Variants in LRBA observed in about 807,000 individuals in gnomAD.
The protein encoded by LRBA is lipopolysaccharide-responsive and beige-like anchor protein.
A neutral mutation model predicts 330.0 loss-of-function variants in LRBA; 176 were observed. The observed-to-expected ratio is 0.53, with a 90% CI of 0.47 to 0.60. LRBA has a LOEUF of 0.60. Ranked by LOEUF, LRBA falls within the 20% of genes least tolerant of loss-of-function variation. The pLI is 0.00. For missense variants in LRBA, 3,259 were observed against 3,444.8 expected (o/e 0.95, Z 1.35); for synonymous variants, 1,230 against 1,193.0 (o/e 1.03, Z -0.64).
At chr4:150,552,007 T>C (rs1766663632) in intron 40 of LRBA, among the ~76,000 whole-genome samples, 1 of 152,132 alleles carries the variant, frequency 6.6e-6, no homozygotes, top group Non-Finnish European at 1.5e-5. Flanking sequence ...ACTCAGATCG[T>C]CTGACATTAG....
rs563060653 is a variant in LRBA at position 150,835,806 on chromosome 4, C to T, written c.4570-3830G>A. 5.9e-5 allele frequency among the ~76,000 whole-genome samples: 9 copies of T among 152,238 alleles called. No individual in the cohort carries two copies. The South Asian group carries it at 1.7e-3, about 28-fold the overall frequency. ...AATACCCTTTCTTTCTTTCTCCTGA[C>T]GGATTGCCCTGGCCAGAACTTCCAA... On this transcript the variant is annotated intron_variant, in intron 28 of 56. Coordinates refer to ENST00000651943, the MANE Select transcript of LRBA (RefSeq NM_001364905.1).
chr4:150,908,535 C>T, intron 10 of LRBA, 68 bp from the exon 11 acceptor site: 2 of 1,497,300 alleles, frequency 1.3e-6, no homozygotes, highest in African/African-American at 1.4e-5. Flanking sequence ...AAATAAGGCA[C>T]AACAATAAAT....
At chr4:150,658,371 A>C (rs1339554063) in intron 37 of LRBA, among the ~76,000 whole-genome samples, 1 of 151,244 alleles carries the variant, frequency 6.6e-6, no homozygotes, top group African/African-American at 2.4e-5. Context: ...AAAAAAAAAA[A>C]AACTGCTGAA....
At chr4:150,587,486 A>G (rs1772259999) in intron 40 of LRBA, among the ~76,000 whole-genome samples, 1 of 152,224 alleles carries the variant, frequency 6.6e-6, no homozygotes, top group Admixed American at 6.5e-5. Context: ...CCAGGGTCTG[A>G]AAAGTAATGA....
At chr4:150,662,616 G>A (rs1429964593) in intron 37 of LRBA, among the ~76,000 whole-genome samples, 1 of 152,194 alleles carries the variant, frequency 6.6e-6, no homozygotes, top group Non-Finnish European at 1.5e-5. Flanking sequence ...CAAAAAGAGT[G>A]AAAGTGTAAG....
At chr4:150,984,033 C>T (rs1741157499) in intron 2 of LRBA, among the ~76,000 whole-genome samples, 1 of 152,214 alleles carries the variant, frequency 6.6e-6, no homozygotes, top group Admixed American at 6.5e-5. Flanking sequence ...ATTTCCTCTA[C>T]TGCCCACCCC....
At chr4:150,689,039 G>A (rs1783875304) in intron 36 of LRBA, among the ~76,000 whole-genome samples, 1 of 152,132 alleles carries the variant, frequency 6.6e-6, no homozygotes, top group Non-Finnish European at 1.5e-5. Context: ...ATACACAACA[G>A]CAAAGACTTG....
intron 48 of LRBA, among the ~76,000 whole-genome samples, chr4:150,346,757 C>CAAAAAAAAAAAAAAA (rs57119340): frequency 1.4e-4 from 9 of 66,150 alleles, no homozygotes; most frequent in African/African-American, 6.2e-4. Flanking sequence ...GACTCTGTCT[C>CAAAAAAAAAAAAAAA]AAAAAAAAAA....
chr4:150,998,983 T>G (rs1423958189), intron 2 of LRBA, among the ~76,000 whole-genome samples: 1 of 152,240 alleles, frequency 6.6e-6, no homozygotes, highest in African/African-American at 2.4e-5. Flanking sequence ...ATCACTTCGT[T>G]ATACCTTAGA....
At chr4:150,736,793 A>C (rs139637870) in intron 35 of LRBA, among the ~76,000 whole-genome samples, 1 of 152,332 alleles carries the variant, frequency 6.6e-6, no homozygotes, top group Non-Finnish European at 1.5e-5. Flanking sequence ...CTTAGGCAGT[A>C]ATAGTAAAAC....
At chr4:150,905,743 A>G in intron 13 of LRBA, 95 bp downstream of exon 13, 1 of 1,094,454 alleles carries the variant, frequency 9.1e-7, no homozygotes, top group Non-Finnish European at 1.3e-6. Context: ...GCATAATAGT[A>G]CATAAAAAAA....
At chr4:150,661,195 G>T (rs997227038) in intron 37 of LRBA, among the ~76,000 whole-genome samples, 1 of 151,376 alleles carries the variant, frequency 6.6e-6, no homozygotes, top group South Asian at 2.1e-4. Context: ...CAGAGGCCAG[G>T]CATGGTGGCT....
chr4:150,634,263 G>A (rs1467253034), intron 37 of LRBA, among the ~76,000 whole-genome samples: 2 of 152,052 alleles, frequency 1.3e-5, no homozygotes, highest in Admixed American at 6.6e-5. Flanking sequence ...ATTCTTCATA[G>A]CATTTTCACA....
rs183472299 is a variant in LRBA at position 150,295,958 on chromosome 4, T to G, written c.8017+6667A>C. On this transcript the variant is annotated intron_variant, in intron 53 of 56. Transcript: ENST00000651943. Reference sequence around the variant, plus strand: ...GTAAGCTATGGCTCCTGTAGCTGCATATGAGTGTCTGGTAACATAAACATG... The same window carrying G: ...GTAAGCTATGGCTCCTGTAGCTGCAGATGAGTGTCTGGTAACATAAACATG... Among the ~76,000 whole-genome samples the G allele has an allele frequency of 4.4e-3, 666 of 152,298 alleles. 2 individuals carry two copies. Among genetic ancestry groups the G allele is most frequent in the African/African-American group, 0.015 (620 of 41,562 alleles).
chr4:150,782,323 T>C (rs951837283), intron 34 of LRBA, among the ~76,000 whole-genome samples: 3 of 152,238 alleles, frequency 2.0e-5, no homozygotes, highest in African/African-American at 2.4e-5. Flanking sequence ...TTGTAGCTGC[T>C]GTAACAAATT....
At chr4:150,459,184 G>A (rs941270033) in intron 44 of LRBA, among the ~76,000 whole-genome samples, 5 of 151,772 alleles carry the variant, frequency 3.3e-5, no homozygotes, top group African/African-American at 1.2e-4. Flanking sequence ...AGGGGTCTAG[G>A]GGCTTTCACG....
intron 2 of LRBA, among the ~76,000 whole-genome samples, chr4:150,946,319 C>T (rs966110162): frequency 5.3e-5 from 8 of 151,984 alleles, no homozygotes; most frequent in African/African-American, 1.9e-4. Context: ...AATTATAGAA[C>T]AATAAATATT....
rs550092045 is a variant in LRBA, at chr4:150,973,793, G to C, written c.216+40634C>G. Among the ~76,000 whole-genome samples the C allele has an allele frequency of 8.5e-5, 13 of 152,230 alleles. No individual in the cohort carries two copies. The South Asian group carries it at 2.5e-3, about 29-fold the overall frequency. ...AGATCACTTCAGCCCAGGAATTCAA[G>C]ACCAGCCTGGGCAAAATAGCGAGAC... On this transcript the variant is annotated intron_variant, in intron 2 of 56. Transcript: ENST00000651943.
intron 37 of LRBA, among the ~76,000 whole-genome samples, chr4:150,643,602 G>A (rs1048509131): frequency 7.2e-5 from 11 of 151,956 alleles, no homozygotes; most frequent in Non-Finnish European, 1.5e-4. Flanking sequence ...ATAGCAAGCA[G>A]TCCAGTGTTG....
Sources: allele counts gnomAD v4.1 joint callset (sites outside exome capture counted in the v4.1 genomes callset), GRCh38; gene constraint gnomAD v4.1.1; transcripts MANE v1.5; gene names NCBI Gene and HGNC (gene_info 2026-07-23, HGNC 2026-07-21).